The following RBFOX1 variants were observed in gnomAD, a reference collection of about 807,000 sequenced individuals.
The protein encoded by RBFOX1 is RNA binding protein fox-1 homolog 1.
RBFOX1 carries 8 observed loss-of-function variants against 57.7 expected under a neutral mutation model. The observed-to-expected ratio is 0.14, with a 90% confidence interval of 0.08 to 0.25. The LOEUF (loss-of-function observed/expected upper bound fraction) is 0.25, where lower values mean the gene tolerates loss of function less well. Among genes scored for constraint, RBFOX1 ranks in the 10% least tolerant of loss-of-function variants. The pLI is 1.00. For synonymous variants in RBFOX1, 326 were observed against 222.4 expected (o/e 1.47, Z -4.15); for missense variants, 611 against 548.5 (o/e 1.11, Z -1.14).
At chr16:6,519,807 C>G (rs935597274) in intron 2 of RBFOX1, among the ~76,000 whole-genome samples, 1 of 152,176 alleles carries the variant, frequency 6.6e-6, no homozygotes, top group Non-Finnish European at 1.5e-5. Flanking sequence ...TATTTAGTGT[C>G]TAAGGTCTTC....
At chr16:6,110,009 C>G (rs1008216525) in intron 1 of RBFOX1, among the ~76,000 whole-genome samples, 5 of 151,878 alleles carry the variant, frequency 3.3e-5, no homozygotes, top group Non-Finnish European at 5.9e-5. Context: ...ATTACTTTAT[C>G]AAAATAATGT....
chr16:6,941,311 C>A (rs1396854734), intron 3 of RBFOX1, among the ~76,000 whole-genome samples: 1 of 91,696 alleles, frequency 1.1e-5, no homozygotes, highest in Non-Finnish European at 2.2e-5. Flanking sequence ...TCCTTCCTTC[C>A]TTCCTTCCTT....
chr16:6,382,501 C>G (rs1467613888), intron 2 of RBFOX1, among the ~76,000 whole-genome samples: 1 of 152,206 alleles, frequency 6.6e-6, no homozygotes, highest in Non-Finnish European at 1.5e-5. Flanking sequence ...GTTTGTGCAG[C>G]TCTTTGGGCC....
At chr16:5,320,473 G>C (rs1051205602) in intron 1 of RBFOX1, among the ~76,000 whole-genome samples, 4 of 152,144 alleles carry the variant, frequency 2.6e-5, no homozygotes, top group African/African-American at 9.7e-5. Context: ...GACCCTCGAA[G>C]GACTTGGTTT....
chr16:5,775,638 A>G (rs2151689829), intron 3 of RBFOX1, among the ~76,000 whole-genome samples: 1 of 152,314 alleles, frequency 6.6e-6, no homozygotes, highest in Middle Eastern at 3.4e-3. Flanking sequence ...CATCCACCTG[A>G]ACATGGCCTC....
intron 1 of RBFOX1, among the ~76,000 whole-genome samples, chr16:6,045,780 AT>A (rs1279753558): frequency 6.6e-6 from 1 of 152,212 alleles, no homozygotes; most frequent in African/African-American, 2.4e-5. Context: ...ACAGAGTTTA[AT>A]TTGCTATGTC....
At position 6,645,045 on chromosome 16, in the gene RBFOX1, C is replaced by T. The variant is rs574229807; in HGVS notation, c.-63-9558C>T. Among the ~76,000 whole-genome samples, 8 of 152,302 alleles carry T rather than the reference C, an allele frequency of 5.3e-5. No homozygotes were observed. In the East Asian group the frequency reaches 1.4e-3, roughly 26 times the overall value. On this transcript the variant is annotated intron_variant, in intron 2 of 15. Transcript: ENST00000550418. ...GAAAGTGTGAGCAGGACGGCTCTCC[C>T]AGCAAAGGTTCTGGGGAAGATTCAT...
rs571846250 is a variant in RBFOX1, at chr16:7,266,224, C to T, written c.27+214126C>T. The stretch of plus-strand genomic sequence containing the variant: ...TCTCCTGACCTCGTGACCCGGCCGC[C>T]TCGGCCTCCCAAAGTGCTGGGATTA... On this transcript the variant is annotated intron_variant, in intron 4 of 15. Transcript: ENST00000550418. Among the ~76,000 whole-genome samples, 3 of 139,738 alleles carry T rather than the reference C, an allele frequency of 2.1e-5. No homozygotes were observed. The South Asian group carries it at 6.9e-4, about 32-fold the overall frequency. 91.7% of individuals were successfully genotyped at this position (139,738 alleles called of 152,430 possible).
intron 4 of RBFOX1, among the ~76,000 whole-genome samples, chr16:7,395,500 T>G (rs1363060605): frequency 6.6e-6 from 1 of 152,192 alleles, no homozygotes; most frequent in African/African-American, 2.4e-5. Flanking sequence ...ATAAATTGTT[T>G]TGTTGGACGG....
intron 4 of RBFOX1, among the ~76,000 whole-genome samples, chr16:7,237,152 G>A (rs989496055): frequency 8.5e-5 from 13 of 152,200 alleles, no homozygotes; most frequent in Admixed American, 2.6e-4. Flanking sequence ...AAATGTCATT[G>A]GGATAGGCCA....
chr16:6,612,248 C>T (rs2098070932), intron 2 of RBFOX1, among the ~76,000 whole-genome samples: 2 of 151,922 alleles, frequency 1.3e-5, no homozygotes, highest in African/African-American at 4.8e-5. Flanking sequence ...ACCAATATTC[C>T]CCTAAATGTT....
At chr16:6,873,556 A>C (rs896175063) in intron 3 of RBFOX1, among the ~76,000 whole-genome samples, 2 of 152,156 alleles carry the variant, frequency 1.3e-5, no homozygotes, top group African/African-American at 4.8e-5. Flanking sequence ...AAAAAAAAGA[A>C]CAACTTTGCT....
intron 3 of RBFOX1, among the ~76,000 whole-genome samples, chr16:6,787,929 A>C (rs1181176993): frequency 6.6e-6 from 1 of 152,208 alleles, no homozygotes; most frequent in Non-Finnish European, 1.5e-5. Context: ...ACAGCTGGTG[A>C]AAGGCCAATG....
intron 4 of RBFOX1, among the ~76,000 whole-genome samples, chr16:7,348,284 A>T: frequency 6.6e-6 from 1 of 152,196 alleles, no homozygotes; most frequent in East Asian, 1.9e-4. Context: ...TGTGGTACAT[A>T]TATTTTCTTC....
rs377129676 is a variant in RBFOX1 at position 6,836,912 on chromosome 16, CAA to C, written c.-16+182264_-16+182265del. On this transcript the variant is annotated intron_variant, in intron 3 of 15. Transcript: ENST00000550418. ...TAATCATTGAATCAGCGTTGCCAAG[CAA>C]AGAGTGTGACACACATTACTTCCAT... Among the ~76,000 whole-genome samples the C allele has an allele frequency of 4.6e-3, 702 of 152,228 alleles. 3 individuals carry two copies. The Middle Eastern group carries it at 0.061, about 13-fold the overall frequency.
chr16:6,224,852 T>C (rs2097403994), intron 1 of RBFOX1, among the ~76,000 whole-genome samples: 1 of 151,946 alleles, frequency 6.6e-6, no homozygotes, highest in Non-Finnish European at 1.5e-5. Flanking sequence ...AAACCCCATC[T>C]CTATTTAATA....
intron 1 of RBFOX1, among the ~76,000 whole-genome samples, chr16:6,113,546 G>A (rs1325847787): frequency 2.0e-5 from 3 of 152,226 alleles, no homozygotes; most frequent in Non-Finnish European, 2.9e-5. Flanking sequence ...GCATCACAGA[G>A]ACACAGCTCT....
intron 4 of RBFOX1, among the ~76,000 whole-genome samples, chr16:5,989,880 A>ACACACACACACACACACACACACCCC (rs33912010): frequency 7.9e-6 from 1 of 127,210 alleles, no homozygotes; most frequent in Non-Finnish European, 1.7e-5. Flanking sequence ...ACACACACAC[A>ACACACACACACACACACACACACCCC]CCACCCCTGT....
chr16:6,859,140 CGTATATATATATGT>C (rs2058487603), intron 3 of RBFOX1, among the ~76,000 whole-genome samples: 1 of 91,526 alleles, frequency 1.1e-5, no homozygotes, highest in Admixed American at 1.2e-4. Flanking sequence ...CATATATATA[CGTATATATATATGT>C]ATATATATAC....
Sources: allele counts gnomAD v4.1 joint callset (sites outside exome capture counted in the v4.1 genomes callset), GRCh38; gene constraint gnomAD v4.1.1; transcripts MANE v1.5; gene names NCBI Gene and HGNC (gene_info 2026-07-23, HGNC 2026-07-21).